Variants in PRKG1 observed in about 807,000 individuals in gnomAD.
PRKG1 encodes cGMP-dependent protein kinase 1.
PRKG1 carries 35 observed loss-of-function variants against 88.1 expected under a neutral mutation model. The observed-to-expected ratio is 0.40, with a 90% CI of 0.30 to 0.53. The LOEUF is 0.53. Among genes scored for constraint, PRKG1 ranks in the 20% least tolerant of loss-of-function variants. The pLI, the probability that PRKG1 is intolerant of heterozygous loss-of-function variation, is 0.59. For synonymous variants in PRKG1, 303 were observed against 292.5 expected, an observed-to-expected ratio of 1.04 and a Z score of -0.37; for missense variants, 540 against 839.8, an observed-to-expected ratio of 0.64 and a Z score of 4.41.
At chr10:51,510,264 T>C (rs1841354179) in intron 3 of PRKG1, among the ~76,000 whole-genome samples, 1 of 152,202 alleles carries the variant, frequency 6.6e-6, no homozygotes, top group Non-Finnish European at 1.5e-5. Context: ...TGTATATGTA[T>C]ATGCATAGTG....
At chr10:52,046,531 C>T (rs1589555037) in intron 5 of PRKG1, among the ~76,000 whole-genome samples, 1 of 152,122 alleles carries the variant, frequency 6.6e-6, no homozygotes, top group Non-Finnish European at 1.5e-5. Context: ...ATATGACAGA[C>T]ACTGTGTTTT....
At chr10:51,054,463 G>A (rs764833017) in intron 1 of PRKG1, among the ~76,000 whole-genome samples, 15 of 152,114 alleles carry the variant, frequency 9.9e-5, no homozygotes, top group Non-Finnish European at 2.1e-4. Context: ...AGTTGATATG[G>A]GTCATGAAGC....
intron 2 of PRKG1, among the ~76,000 whole-genome samples, chr10:51,295,973 C>T (rs897454208): frequency 1.3e-5 from 2 of 151,986 alleles, no homozygotes; most frequent in Admixed American, 6.6e-5. Context: ...TGGTGTATCA[C>T]GTTGATTGAT....
chr10:51,681,057 C>T (rs1235616703), intron 3 of PRKG1, among the ~76,000 whole-genome samples: 1 of 152,162 alleles, frequency 6.6e-6, no homozygotes, highest in Non-Finnish European at 1.5e-5. Flanking sequence ...TCAGTGATGA[C>T]ATTAGTTAGT....
At chr10:51,399,068 T>G (rs768010611) in intron 2 of PRKG1, among the ~76,000 whole-genome samples, 6 of 152,092 alleles carry the variant, frequency 3.9e-5, no homozygotes, top group Non-Finnish European at 5.9e-5. Flanking sequence ...TTCCATAATT[T>G]TATTGTATAT....
chr10:50,997,641 C>A (rs1564566080), intron 1 of PRKG1, among the ~76,000 whole-genome samples: 1 of 152,148 alleles, frequency 6.6e-6, no homozygotes, highest in African/African-American at 2.4e-5. Context: ...AGTTCAGGAC[C>A]CTTGTTATCT....
chr10:51,369,091 CA>C (rs1303500670), intron 2 of PRKG1, among the ~76,000 whole-genome samples: 1 of 152,000 alleles, frequency 6.6e-6, no homozygotes, highest in Non-Finnish European at 1.5e-5. Flanking sequence ...CGTGTTTCTT[CA>C]GCTGAAAATC....
intron 1 of PRKG1, among the ~76,000 whole-genome samples, chr10:51,042,723 G>T (rs1057203756): frequency 2.6e-5 from 4 of 152,192 alleles, no homozygotes; most frequent in Admixed American, 2.6e-4. Context: ...GCTCTGCAGA[G>T]TGCTGGAATA....
At chr10:51,663,832 T>C (rs978932160) in intron 3 of PRKG1, among the ~76,000 whole-genome samples, 2 of 152,038 alleles carry the variant, frequency 1.3e-5, no homozygotes, top group African/African-American at 4.8e-5. Context: ...TCATTTTTTC[T>C]ACTTTTCAAG....
At chr10:51,006,936 ATTTTTTT>A (rs34941069) in intron 1 of PRKG1, among the ~76,000 whole-genome samples, 1 of 116,816 alleles carries the variant, frequency 8.6e-6, no homozygotes, top group Non-Finnish European at 1.7e-5. Flanking sequence ...AGGGCCTGAG[ATTTTTTT>A]TTTTTTTTTT....
intron 5 of PRKG1, among the ~76,000 whole-genome samples, chr10:51,919,948 G>A (rs1373109135): frequency 2.6e-5 from 4 of 152,094 alleles, no homozygotes; most frequent in Non-Finnish European, 5.9e-5. Flanking sequence ...AGTCTGAGTA[G>A]GCTTACAATA....
At position 52,295,774 on chromosome 10, in the gene PRKG1, C is replaced by T. The variant is rs1589767800; in HGVS notation, c.*1874C>T. Reference sequence around the variant, plus strand: ...TTGCTTGAATTGTTCTTACTCAAAACTACCTTAGAATATGGTATCTTATGA... The same window carrying T: ...TTGCTTGAATTGTTCTTACTCAAAATTACCTTAGAATATGGTATCTTATGA... On this transcript the variant is annotated 3_prime_UTR_variant, in exon 18 of 18. Coordinates refer to ENST00000373980, the MANE Select transcript of PRKG1 (RefSeq NM_006258.4). The T allele has an allele frequency of 6.6e-6, 1 of 151,844 alleles. No individual in the cohort carries two copies. Among genetic ancestry groups the T allele is most frequent in the Middle Eastern group, 3.2e-3 (1 of 316 alleles). 9.4% of individuals were successfully genotyped at this position (151,844 alleles called of 1,614,324 possible). A position where few individuals can be genotyped will look rare whatever the true frequency, so the allele number is the denominator to read the frequency against.
chr10:51,500,459 T>G (rs76673902), intron 3 of PRKG1, among the ~76,000 whole-genome samples: 1,546 of 152,310 alleles, frequency 0.01, 40 homozygotes, highest in African/African-American at 0.036. Flanking sequence ...TCTTGAGCTA[T>G]TCAATAAATA....
At chr10:51,838,600 C>G (rs928032099) in intron 4 of PRKG1, among the ~76,000 whole-genome samples, 16 of 152,114 alleles carry the variant, frequency 1.1e-4, no homozygotes, top group Admixed American at 3.3e-4. Context: ...TGTAAATTAG[C>G]AGACTAACTC....
chr10:52,228,219 C>T (rs1272438309), intron 9 of PRKG1, among the ~76,000 whole-genome samples: 1 of 151,780 alleles, frequency 6.6e-6, no homozygotes, highest in East Asian at 1.9e-4. Flanking sequence ...ATTATAGTCT[C>T]ACTTTCATTC....
chr10:51,034,668 T>TTTTTTA (rs9299454), intron 1 of PRKG1, among the ~76,000 whole-genome samples: 101 of 68,182 alleles, frequency 1.5e-3, no homozygotes, highest in African/African-American at 5.2e-3. Context: ...AATATGTTAT[T>TTTTTTA]TATATATATA....
chr10:51,918,649 G>A (rs1439251315), intron 5 of PRKG1, among the ~76,000 whole-genome samples: 1 of 152,058 alleles, frequency 6.6e-6, no homozygotes, highest in East Asian at 1.9e-4. Flanking sequence ...GTCATTTATG[G>A]GGTTTGTAAA....
intron 7 of PRKG1, among the ~76,000 whole-genome samples, chr10:52,080,362 G>A (rs549089450): frequency 1.0e-3 from 156 of 151,898 alleles, no homozygotes; most frequent in African/African-American, 3.6e-3. Context: ...CCCATGTCCC[G>A]TCTTTGAATC....
intron 1 of PRKG1, among the ~76,000 whole-genome samples, chr10:51,077,852 A>G (rs965722674): frequency 2.0e-5 from 3 of 152,240 alleles, no homozygotes; most frequent in Admixed American, 2.0e-4. Flanking sequence ...ACTAAACTAT[A>G]TTTGGAAATA....
Sources: gnomAD v4.1 joint callset for allele counts (sites outside exome capture counted in the v4.1 genomes callset) on GRCh38, gnomAD v4.1.1 for gene constraint, MANE v1.5 for transcripts, NCBI Gene and HGNC (gene_info 2026-07-23, HGNC 2026-07-21) for gene names.